PHIP: variants seen among roughly 807,000 people sequenced by gnomAD.
PHIP encodes PH-interacting protein.
PHIP carries 54 observed loss-of-function variants against 236.8 expected under a neutral mutation model. The observed-to-expected ratio is 0.23, with a 90% CI of 0.18 to 0.29. The LOEUF (loss-of-function observed/expected upper bound fraction) is 0.29, where lower values mean the gene tolerates loss of function less well. PHIP is among the 10% of genes least tolerant of loss of function. The probability of loss-of-function intolerance (pLI) is 1.00; values close to 1 mark genes in which losing one functional copy is unlikely to be tolerated. For synonymous variants in PHIP, 756 were observed against 718.9 expected (o/e 1.05, Z -0.83); for missense variants, 1,370 against 2,190.8 (o/e 0.63, Z 7.48).
At chr6:78,972,693 A>G (rs1040094745) in intron 24 of PHIP, among the ~76,000 whole-genome samples, 12 of 152,230 alleles carry the variant, frequency 7.9e-5, no homozygotes, top group Non-Finnish European at 1.3e-4. Context: ...AGGAGCTGAT[A>G]GAGCTGAAAA....
At chr6:79,018,547 T>A (rs1485756440) in intron 10 of PHIP, among the ~76,000 whole-genome samples, 1 of 152,008 alleles carries the variant, frequency 6.6e-6, no homozygotes, top group Non-Finnish European at 1.5e-5. Context: ...AGATTTTTTT[T>A]ATAACTTGTT....
At chr6:79,049,118 G>A (rs924066613) in intron 6 of PHIP, among the ~76,000 whole-genome samples, 1 of 150,764 alleles carries the variant, frequency 6.6e-6, no homozygotes, top group Non-Finnish European at 1.5e-5. Flanking sequence ...CGTACAGGCT[G>A]GAGTATACTG....
intron 19 of PHIP, among the ~76,000 whole-genome samples, chr6:78,994,352 C>A (rs1173750295): frequency 6.6e-6 from 1 of 152,080 alleles, no homozygotes; most frequent in Non-Finnish European, 1.5e-5. Context: ...CTGAAGTGGG[C>A]AGATCACAAG....
intron 35 of PHIP, among the ~76,000 whole-genome samples, chr6:78,953,688 T>C (rs542168744): frequency 6.6e-6 from 1 of 152,290 alleles, no homozygotes; most frequent in East Asian, 1.9e-4. Flanking sequence ...TTTCTGATAT[T>C]TATCTGTTGA....
chr6:79,045,660 G>C (rs998596203), intron 6 of PHIP, among the ~76,000 whole-genome samples: 1 of 152,036 alleles, frequency 6.6e-6, no homozygotes, highest in African/African-American at 2.4e-5. Context: ...CAATTAATTT[G>C]AGTAAAAAGG....
Position 79,078,247 on chromosome 6 carries a change from C to A in PHIP, c.-179G>T, listed in dbSNP as rs902584696. 8 of 593,568 alleles carry A rather than the reference C, an allele frequency of 1.3e-5. No homozygotes were observed. Among genetic ancestry groups the A allele is most frequent in the African/African-American group, 2.0e-5 (1 of 51,070 alleles). 36.8% of individuals were successfully genotyped at this position (593,568 alleles called of 1,614,324 possible). On this transcript the variant is annotated 5_prime_UTR_variant, in exon 1 of 40. Coordinates refer to ENST00000275034, the MANE Select transcript of PHIP (RefSeq NM_017934.7). ...GGAGGAGGAAACAACAACTCTCAGGCAGCGACTACGGCCGTGGCCGCCTCC... is the reference window on the plus strand; with the variant it reads ...GGAGGAGGAAACAACAACTCTCAGGAAGCGACTACGGCCGTGGCCGCCTCC...
At chr6:79,004,252 T>G (rs1052790775) in intron 15 of PHIP, 9 of 260,694 alleles carry the variant, frequency 3.5e-5, no homozygotes, top group African/African-American at 1.8e-4. Context: ...TTGGAAGTAG[T>G]AGCCAGAGAT....
rs1377489957 is a variant in PHIP, at chr6:78,954,968, G to A, written c.3904-5C>T. On this transcript the variant is annotated splice_region_variant and splice_polypyrimidine_tract_variant and intron_variant, in intron 34 of 39. Transcript: ENST00000275034. Reference sequence around the variant, plus strand: ...TCTTCTTCTAGGCTGATGGTCCTGTGATAAAAGTGTTCAAATATATTAATA... The same window carrying A: ...TCTTCTTCTAGGCTGATGGTCCTGTAATAAAAGTGTTCAAATATATTAATA... 2.0e-6 allele frequency: 3 copies of A among 1,535,872 alleles called. No homozygotes were observed. Among genetic ancestry groups the A allele is most frequent in the Non-Finnish European group, 1.7e-6 (2 of 1,147,158 alleles).
rs542431905 is a variant in PHIP at position 78,937,925 on chromosome 6, G to C, written c.*2768C>G. On this transcript the variant is annotated 3_prime_UTR_variant, in exon 40 of 40. Transcript: ENST00000275034. ...AAATTGGTTTACACTTTCCATGCAT[G>C]TAAGAGTTATATTTCTGAACTTTCA... is the stretch of plus-strand genomic sequence containing the variant. The C allele has an allele frequency of 6.6e-6, 1 of 151,702 alleles. No individual in the cohort carries two copies. Among genetic ancestry groups the C allele is most frequent in the Admixed American group, 6.6e-5 (1 of 15,220 alleles). 9.4% of individuals were successfully genotyped at this position (151,702 alleles called of 1,614,324 possible). A position where few individuals can be genotyped will look rare whatever the true frequency, so the allele number is the denominator to read the frequency against.
At position 78,963,237 on chromosome 6, in the gene PHIP, T is replaced by A. The variant is rs753736833; in HGVS notation, c.3395A>T (p.Glu1132Val). 1 of 1,602,674 alleles carries A rather than the reference T, an allele frequency of 6.2e-7. No homozygotes were observed. Among genetic ancestry groups the A allele is most frequent in the South Asian group, 1.1e-5 (1 of 88,390 alleles). The change falls in exon 30 of 40, where the codon GAA becomes GTA. Residue 1132 changes from glutamate (E) to valine (V), a missense_variant. Glu to Val is a moderately radical substitution (Grantham distance 121). This residue lies in a region of PHIP where 238 missense variants were observed against 398.5 expected (regional missense o/e 0.60). Coordinates refer to ENST00000275034, the MANE Select transcript of PHIP (RefSeq NM_017934.7). Reference sequence around the variant, plus strand: ...AGTTAAAGGAACACTGGTACCTAGTTCTTCAGGAAATACAGCTGAAATAGA... The same window carrying A: ...AGTTAAAGGAACACTGGTACCTAGTACTTCAGGAAATACAGCTGAAATAGA... ...LIPNNAVFPE[E>V]LGTSVPLTDG...
At chr6:79,053,871 A>C (rs542326669) in intron 6 of PHIP, among the ~76,000 whole-genome samples, 2 of 152,056 alleles carry the variant, frequency 1.3e-5, no homozygotes, top group Non-Finnish European at 2.9e-5. Context: ...AGTGGAGGGG[A>C]TATCCCTCAT....
intron 22 of PHIP, among the ~76,000 whole-genome samples, chr6:78,984,733 A>G (rs1404932503): frequency 6.6e-6 from 1 of 152,216 alleles, no homozygotes; most frequent in Non-Finnish European, 1.5e-5. Context: ...AGGAACTCTT[A>G]CAGCCTCTAC....
chr6:79,066,538 A>C lies in PHIP; in HGVS notation c.190-5720T>G, dbSNP rs116293075. ...CAAATATGTGTATATATCAATGTGC[A>C]AGATATAAGCAAGTCATACAACAGA... On this transcript the variant is annotated intron_variant, in intron 4 of 39. Coordinates refer to ENST00000275034, the MANE Select transcript of PHIP (RefSeq NM_017934.7). 3.8e-3 allele frequency among the ~76,000 whole-genome samples: 586 copies of C among 152,312 alleles called. 6 individuals are homozygous for C. The Middle Eastern group carries it at 0.041, about 11-fold the overall frequency.
Position 79,042,846 on chromosome 6 carries a change from A to G in PHIP, c.597T>C (p.Phe199=). ...TAATACTTTAGCAATTACTTACAGTAAATATCCGTCTGCCAGTTCGATCAA... is the reference window on the plus strand; with the variant it reads ...TAATACTTTAGCAATTACTTACAGTGAATATCCGTCTGCCAGTTCGATCAA... The part of the protein sequence containing the change: ...VTFDRTGRRI[F]TGSDDCLVKI... Residue 199 remains phenylalanine, a synonymous_variant, in exon 7 of 40, where the codon TTT becomes TTC. Transcript: ENST00000275034. 2 of 1,593,196 alleles carry G rather than the reference A, an allele frequency of 1.3e-6. No homozygotes were observed. The highest frequency in any genetic ancestry group is 8.5e-7 in the Non-Finnish European group (1 of 1,171,670).
rs1034104445 is a variant in PHIP, at chr6:78,958,278, C to T, written c.3782+197G>A. 6.1e-5 allele frequency: 25 copies of T among 412,588 alleles called. 1 individual carries two copies. The East Asian group carries it at 8.5e-4, about 14-fold the overall frequency. 25.6% of individuals were successfully genotyped at this position (412,588 alleles called of 1,614,324 possible). On this transcript the variant is annotated intron_variant, in intron 32 of 39. Coordinates refer to ENST00000275034, the MANE Select transcript of PHIP (RefSeq NM_017934.7). ...TTTATGATTTCATTCTTATTATTAG[C>T]CAATGAACTGTTTCTTCTGAAACCC...
intron 35 of PHIP, 62 bp downstream of exon 35, chr6:78,954,752 C>A: frequency 1.0e-6 from 1 of 992,120 alleles, no homozygotes; most frequent in Non-Finnish European, 1.5e-6. Flanking sequence ...AAATAGCCAA[C>A]TGTCATGTAA....
chr6:79,012,415 A>C (rs1302747930), intron 15 of PHIP, among the ~76,000 whole-genome samples: 1 of 151,736 alleles, frequency 6.6e-6, no homozygotes, highest in African/African-American at 2.4e-5. Context: ...AATATTATTT[A>C]ATCTTAAAAA....
chr6:78,994,437 C>A (rs1413787406), intron 19 of PHIP, among the ~76,000 whole-genome samples: 2 of 152,094 alleles, frequency 1.3e-5, no homozygotes, highest in African/African-American at 2.4e-5. Flanking sequence ...ATTATCCAGG[C>A]ATGGTGGCAT....
At chr6:78,965,834 A>G in intron 28 of PHIP, 70 bp from the exon 29 acceptor site, 1 of 1,173,828 alleles carries the variant, frequency 8.5e-7, no homozygotes, top group South Asian at 1.3e-5. Flanking sequence ...AAAATCAATT[A>G]TCAAAATAAT....
Sources: allele counts gnomAD v4.1 joint callset (sites outside exome capture counted in the v4.1 genomes callset), GRCh38; gene constraint gnomAD v4.1.1; regional missense constraint gnomAD v4.1.1; transcripts MANE v1.5; gene names NCBI Gene and HGNC (gene_info 2026-07-23, HGNC 2026-07-21).